SPATA24: variants seen among roughly 807,000 people sequenced by gnomAD.
The protein encoded by SPATA24 is spermatogenesis associated 24, also known as spermatogenesis-associated protein 24.
In SPATA24, 21 loss-of-function variants were observed where a neutral mutation model predicts 28.9. The observed-to-expected ratio is 0.73, with a 90% CI of 0.52 to 1.05. The LOEUF (loss-of-function observed/expected upper bound fraction) is 1.05, where lower values mean the gene tolerates loss of function less well. Ranked by LOEUF, SPATA24 falls within the 50% of genes least tolerant of loss-of-function variation. SPATA24 has a pLI of 0.00. For missense variants in SPATA24, 215 were observed against 242.9 expected, an observed-to-expected ratio of 0.88 and a Z score of 0.76; for synonymous variants, 76 against 89.9, an observed-to-expected ratio of 0.85 and a Z score of 0.88.
downstream of SPATA24, chr5:139,394,461 C>T (rs1758659105): frequency 1.4e-6 from 2 of 1,409,764 alleles, no homozygotes; most frequent in Non-Finnish European, 1.8e-6. Flanking sequence ...CGATCTGACG[C>T]TTGGGCACTG....
chr5:139,394,505 G>C, downstream of SPATA24: 1 of 1,433,234 alleles, frequency 7.0e-7, no homozygotes, highest in Non-Finnish European at 9.1e-7. Flanking sequence ...CCCTCCTCCA[G>C]AGCCACCTCC....
downstream of SPATA24, chr5:139,394,995 A>G (rs1439419916): frequency 4.7e-6 from 7 of 1,495,826 alleles, no homozygotes; most frequent in Non-Finnish European, 6.2e-6. Context: ...AGCCTGACGA[A>G]CCGGAGGAGT....
chr5:139,393,834 G>T (rs777074690), downstream of SPATA24: 2 of 1,551,248 alleles, frequency 1.3e-6, no homozygotes, highest in South Asian at 2.4e-5. Context: ...GATCCCACGG[G>T]GACAGGTTCT....
chr5:139,395,242 C>T (rs1163938033), downstream of SPATA24: 3 of 628,460 alleles, frequency 4.8e-6, no homozygotes, highest in Non-Finnish European at 7.3e-6. Flanking sequence ...AAGACCTGGG[C>T]CCTGCACCCT....
Position 139,396,828 on chromosome 5 carries a change from C to T in SPATA24, c.590G>A (p.Arg197His), listed in dbSNP as rs1197410950. Reference protein sequence around the residue: ...HKKASGTRQARSHQHPREK With the variant: ...HKKASGTRQAHSHQHPREK ...TTTTTCCCTGGGATGCTGGTGGCTG[C>T]GGGCCTGACGTGTCCCTGAGGCTTT... Residue 197 changes from arginine (R) to histidine (H), a missense_variant, in exon 6 of 6, where the codon CGC becomes CAC. Arg to His is a conservative substitution (Grantham distance 29). Coordinates refer to ENST00000450845, the MANE Select transcript of SPATA24 (RefSeq NM_194296.2). The T allele has an allele frequency of 4.5e-6, 7 of 1,551,584 alleles. No homozygotes were observed. The highest frequency in any genetic ancestry group is 6.1e-6 in the Non-Finnish European group (7 of 1,146,994).
chr5:139,394,724 G>T (rs750430115), downstream of SPATA24: 1 of 1,532,096 alleles, frequency 6.5e-7, no homozygotes, highest in South Asian at 1.2e-5. Context: ...CAGCCGAACA[G>T]GGGTCCGACG....
chr5:139,392,948 G>A (rs1326899909), downstream of SPATA24: 1 of 1,512,586 alleles, frequency 6.6e-7, no homozygotes, highest in South Asian at 1.3e-5. This position sits in a 1 kb window ranked among gnomAD's most constrained non-coding sequence, Gnocchi z 5.8. Flanking sequence ...ACCCCGTTGG[G>A]CTGTGAGGCG....
At chr5:139,392,684 G>T (rs960225048), downstream of SPATA24, 17 of 1,394,656 alleles carry the variant, frequency 1.2e-5, no homozygotes, top group Non-Finnish European at 1.6e-5. This position sits in a 1 kb window ranked among gnomAD's most constrained non-coding sequence, Gnocchi z 5.8. Flanking sequence ...GAGCCGGGGC[G>T]GGGCGATCGG....
chr5:139,394,762 G>C (rs1581396752), downstream of SPATA24: 2 of 1,532,910 alleles, frequency 1.3e-6, no homozygotes, highest in African/African-American at 1.4e-5. Context: ...CTCCCCCGAC[G>C]GCAGCGTGCG....
chr5:139,402,536 C>T, intron 2 of SPATA24, 92 bp downstream of exon 2: 1 of 1,167,682 alleles, frequency 8.6e-7, no homozygotes, highest in Non-Finnish European at 1.2e-6. Flanking sequence ...AGCCACTGCA[C>T]CCATCAGAGG....
At chr5:139,400,347 C>T (rs1040031317) in intron 4 of SPATA24, among the ~76,000 whole-genome samples, 18 of 142,168 alleles carry the variant, frequency 1.3e-4, no homozygotes, top group African/African-American at 3.8e-4. Flanking sequence ...ACTTTTGTTG[C>T]CCAGGCTGGA....
intron 1 of SPATA24, 131 bp downstream of exon 1, chr5:139,403,813 C>T (rs1758873075): frequency 1.3e-6 from 1 of 757,160 alleles, no homozygotes; most frequent in Admixed American, 2.5e-5. Flanking sequence ...CCGACTGAGC[C>T]CGGCCTCCTC....
rs1195981679 is a variant in SPATA24, at chr5:139,401,804, T to C, written c.336A>G (p.Lys112=). 3 of 1,551,402 alleles carry C rather than the reference T, an allele frequency of 1.9e-6. No homozygotes were observed. Among genetic ancestry groups the C allele is most frequent in the Non-Finnish European group, 2.6e-6 (3 of 1,146,864 alleles). Reference sequence around the variant, plus strand: ...CCTTCTTGCTGGACTCCTGAAGGACTTTGCTCTTGACACTGGAGAGCCTGG... The same window carrying C: ...CCTTCTTGCTGGACTCCTGAAGGACCTTGCTCTTGACACTGGAGAGCCTGG... ...FEKALSSVKS[K]VLQESSKKDQ... Residue 112 remains lysine, a synonymous_variant, in exon 4 of 6, where the codon AAA becomes AAG. Coordinates refer to ENST00000450845, the MANE Select transcript of SPATA24 (RefSeq NM_194296.2).
chr5:139,394,683 T>C (rs2152077089), downstream of SPATA24: 2 of 1,533,970 alleles, frequency 1.3e-6, no homozygotes, highest in Non-Finnish European at 1.7e-6. Flanking sequence ...CCGTGAACTG[T>C]TGTTGCGCCT....
chr5:139,403,880 T>G, intron 1 of SPATA24, 64 bp downstream of exon 1: 1 of 1,377,636 alleles, frequency 7.3e-7, no homozygotes, highest in South Asian at 1.3e-5. Flanking sequence ...GAACAGGTTC[T>G]GGCCCCGCCC....
intron 1 of SPATA24, 54 bp downstream of exon 1, chr5:139,403,890 C>T (rs1758875027): frequency 6.9e-7 from 1 of 1,442,788 alleles, no homozygotes; most frequent in Non-Finnish European, 9.5e-7. Flanking sequence ...TGGCCCCGCC[C>T]CCACCAGTGA....
At chr5:139,397,988 A>C (rs185822473) in intron 4 of SPATA24, among the ~76,000 whole-genome samples, 1 of 152,388 alleles carries the variant, frequency 6.6e-6, no homozygotes, top group Admixed American at 6.5e-5. Flanking sequence ...CCTAAGGCCT[A>C]AAACAGCACC....
downstream of SPATA24, chr5:139,394,998 G>A (rs965415146): frequency 8.0e-6 from 12 of 1,492,516 alleles, no homozygotes; most frequent in Admixed American, 4.9e-5. Flanking sequence ...CTGACGAACC[G>A]GAGGAGTCCT....
downstream of SPATA24, chr5:139,393,550 A>G (rs753748712): frequency 1.5e-5 from 24 of 1,551,142 alleles, no homozygotes; most frequent in Non-Finnish European, 1.9e-5. Flanking sequence ...CCAAGTTCCA[A>G]TAGGACGATC....
Sources: gnomAD v4.1 joint callset for allele counts (sites outside exome capture counted in the v4.1 genomes callset) on GRCh38, gnomAD v4.1.1 for gene constraint, Gnocchi (gnomAD v3.1) non-coding constraint, MANE v1.5 for transcripts, NCBI Gene and HGNC (gene_info 2026-07-23, HGNC 2026-07-21) for gene names.